The following PYROXD1 variants were observed in gnomAD, a reference collection of about 807,000 sequenced individuals.
PYROXD1 encodes the protein pyridine nucleotide-disulphide oxidoreductase domain 1, also known as tRNA ligase complex-associated NAD(P)H dehydrogenase PYROXD1.
PYROXD1 carries 42 observed loss-of-function variants against 62.0 expected under a neutral mutation model. The ratio of observed to expected loss-of-function variants is 0.68; its 90% CI spans 0.53 to 0.88. PYROXD1 has a LOEUF of 0.88. Ranked by LOEUF, PYROXD1 falls within the 40% of genes least tolerant of loss-of-function variation. PYROXD1 has a pLI of 0.00. For missense variants in PYROXD1, 493 were observed against 604.8 expected (o/e 0.82, Z 1.94); for synonymous variants, 170 against 206.4 (o/e 0.82, Z 1.51).
Position 21,467,578 on chromosome 12 carries a change from T to G in PYROXD1, c.1214T>G (p.Phe405Cys). 1.9e-6 allele frequency: 3 copies of G among 1,612,316 alleles called. No homozygotes were observed. The highest frequency in any genetic ancestry group is 2.5e-6 in the Non-Finnish European group (3 of 1,179,056). ...SGDSIDMDFSFELFAHVTKFF... is the reference protein window; with the variant it reads ...SGDSIDMDFSCELFAHVTKFF... Reference sequence around the variant, plus strand: ...GACTCTATTGACATGGATTTCAGCTTTGAACTGTTTGCTCATGTGACAAAA... The same window carrying G: ...GACTCTATTGACATGGATTTCAGCTGTGAACTGTTTGCTCATGTGACAAAA... The change falls in exon 11 of 12, where the codon TTT becomes TGT. Residue 405 changes from phenylalanine (F) to cysteine (C), a missense_variant. Phe to Cys is a radical substitution (Grantham distance 205, BLOSUM62 -2). Transcript: ENST00000240651.
chr12:21,465,517 GTTT>G (rs895936853), intron 10 of PYROXD1, among the ~76,000 whole-genome samples: 44 of 148,774 alleles, frequency 3.0e-4, no homozygotes, highest in Middle Eastern at 3.5e-3. Context: ...TGATGGGGTT[GTTT>G]TTTTTTTGTA....
intron 3 of PYROXD1, among the ~76,000 whole-genome samples, 163 bp downstream of exon 3, chr12:21,445,629 G>GT (rs1233770596): frequency 1.3e-5 from 2 of 152,076 alleles, no homozygotes; most frequent in African/African-American, 4.8e-5. Context: ...TACAGTTTTT[G>GT]TAAGTTTATT....
chr12:21,445,759 C>T (rs749757457), intron 3 of PYROXD1, among the ~76,000 whole-genome samples: 4 of 152,078 alleles, frequency 2.6e-5, no homozygotes, highest in East Asian at 1.9e-4. Flanking sequence ...AGGGTTAATA[C>T]GAGGTGTTGG....
Position 21,467,155 on chromosome 12 carries a change from A to G in PYROXD1, c.1117-326A>G, listed in dbSNP as rs563481984. ...TAATTTGACATCTCTGTTAATGGTGATGACAAATTTTTGAAGAAGGGACTG... is the reference window on the plus strand; with the variant it reads ...TAATTTGACATCTCTGTTAATGGTGGTGACAAATTTTTGAAGAAGGGACTG... On this transcript the variant is annotated intron_variant, in intron 10 of 11. Transcript: ENST00000240651. 515 of 184,954 alleles carry G rather than the reference A, an allele frequency of 2.8e-3. 5 individuals are homozygous for G. The highest frequency in any genetic ancestry group is 4.6e-3 in the Non-Finnish European group (411 of 89,782). The allele number at this position is 184,954 out of a possible 1,614,324, so 11.5% of individuals were successfully genotyped here. A position where few individuals can be genotyped will look rare whatever the true frequency, so the allele number is the denominator to read the frequency against.
intron 2 of PYROXD1, 97 bp from the exon 3 acceptor site, chr12:21,445,250 C>T: frequency 7.9e-7 from 1 of 1,267,384 alleles, no homozygotes. Flanking sequence ...TTTATAAACA[C>T]AAAATAGTGT....
At chr12:21,446,147 G>C (rs953144236) in intron 3 of PYROXD1, among the ~76,000 whole-genome samples, 1 of 152,166 alleles carries the variant, frequency 6.6e-6, no homozygotes, top group African/African-American at 2.4e-5. Context: ...AGTTTGGGCC[G>C]GTGCGTTGGC....
At chr12:21,455,460 T>TGTA (rs1249934411) in intron 6 of PYROXD1, among the ~76,000 whole-genome samples, 168 bp downstream of exon 6, 3 of 109,200 alleles carry the variant, frequency 2.7e-5, no homozygotes, top group Non-Finnish European at 4.0e-5. Flanking sequence ...TATGTATGTA[T>TGTA]TTTATATATA....
chr12:21,441,022 G>T (rs1187675897), intron 2 of PYROXD1, among the ~76,000 whole-genome samples: 1 of 152,080 alleles, frequency 6.6e-6, no homozygotes, highest in Non-Finnish European at 1.5e-5. Context: ...TGATTATGGT[G>T]AATTGATTGC....
chr12:21,446,426 A>G (rs1591940161), intron 3 of PYROXD1, among the ~76,000 whole-genome samples: 1 of 152,054 alleles, frequency 6.6e-6, no homozygotes, highest in South Asian at 2.1e-4. Context: ...CTCCTTCTCA[A>G]AAAAAAGAGA....
At position 21,470,093 on chromosome 12, in the gene PYROXD1, A is replaced by G; in HGVS notation, c.*1339A>G. The G allele has an allele frequency of 9.3e-7, 1 of 1,071,174 alleles. No individual in the cohort carries two copies. Among genetic ancestry groups the G allele is most frequent in the South Asian group, 1.7e-5 (1 of 60,352 alleles). 66.4% of individuals were successfully genotyped at this position (1,071,174 alleles called of 1,614,324 possible). The stretch of plus-strand genomic sequence containing the variant: ...TGAAAATATAGATCCATACATATAA[A>G]ATATCTATGAAATTCTTTTAAAAAC... On this transcript the variant is annotated 3_prime_UTR_variant, in exon 12 of 12. Transcript: ENST00000240651.
chr12:21,449,253 C>T (rs962789602), intron 3 of PYROXD1, among the ~76,000 whole-genome samples: 7 of 152,290 alleles, frequency 4.6e-5, no homozygotes, highest in Admixed American at 3.3e-4. Context: ...TTTCAACCAA[C>T]ATGGGATTCC....
chr12:21,451,628 A>G (rs1942500734), intron 4 of PYROXD1, among the ~76,000 whole-genome samples: 1 of 152,120 alleles, frequency 6.6e-6, no homozygotes, highest in African/African-American at 2.4e-5. Flanking sequence ...TCAGTTAGTA[A>G]TTGCTAGAGC....
At chr12:21,449,534 T>G in intron 3 of PYROXD1, 29 bp from the exon 4 acceptor site, 1 of 1,587,448 alleles carries the variant, frequency 6.3e-7, no homozygotes, top group Non-Finnish European at 8.6e-7. Context: ...TGTGTCTCCC[T>G]TTTCTTTCAT....
chr12:21,468,055 T>C (rs552466588), intron 11 of PYROXD1, among the ~76,000 whole-genome samples: 1 of 151,594 alleles, frequency 6.6e-6, no homozygotes, highest in Admixed American at 6.6e-5. Context: ...AGGAGAAACA[T>C]ATTCAAAAGC....
chr12:21,455,942 T>G, intron 6 of PYROXD1, 53 bp from the exon 7 acceptor site: 1 of 1,187,948 alleles, frequency 8.4e-7, no homozygotes, highest in South Asian at 1.3e-5. Flanking sequence ...TTCAGAACAC[T>G]AACATATTTC....
At position 21,470,773 on chromosome 12, in the gene PYROXD1, T is replaced by C. The variant is rs1277130252; in HGVS notation, c.*2019T>C. The stretch of plus-strand genomic sequence containing the variant: ...GAAACTGGAAACCCCTAGTTTATGT[T>C]AAAAGGCCAGTCTAAATTCTTTCAC... On this transcript the variant is annotated 3_prime_UTR_variant, in exon 12 of 12. Coordinates refer to ENST00000240651, the MANE Select transcript of PYROXD1 (RefSeq NM_024854.5). The C allele has an allele frequency of 2.5e-6, 1 of 395,706 alleles. No individual in the cohort carries two copies. Among genetic ancestry groups the C allele is most frequent in the Admixed American group, 4.4e-5 (1 of 22,860 alleles). 24.5% of individuals were successfully genotyped at this position (395,706 alleles called of 1,614,324 possible). A position where few individuals can be genotyped will look rare whatever the true frequency, so the allele number is the denominator to read the frequency against.
chr12:21,456,426 A>G (rs143343035), intron 7 of PYROXD1, among the ~76,000 whole-genome samples: 1 of 152,258 alleles, frequency 6.6e-6, no homozygotes, highest in African/African-American at 2.4e-5. Context: ...AGCCACACGA[A>G]TTTTTCAGTT....
In PYROXD1 at chr12:21,461,326, G is replaced by T. The variant is rs192531602; in HGVS notation, c.880+172G>T. 7.2e-4 allele frequency among the ~76,000 whole-genome samples: 110 copies of T among 151,942 alleles called. 3 individuals are homozygous for T. The highest frequency in any genetic ancestry group is 6.9e-3 in the Admixed American group (106 of 15,266). On this transcript the variant is annotated intron_variant, in intron 8 of 11. Transcript: ENST00000240651. ...ATTAACTCACTTCATTTCACTGTCT[G>T]TTGTTTTCTAGTAAATTAAATCGTA...
chr12:21,471,219 T>A lies in PYROXD1; in HGVS notation c.*2465T>A, dbSNP rs745866449. On this transcript the variant is annotated 3_prime_UTR_variant, in exon 12 of 12. Transcript: ENST00000240651. ...CACATTGACTTGAAATAATAAAATT[T>A]ACAAGAATGCAAATAAAGCCTTTAA... is the stretch of plus-strand genomic sequence containing the variant. 1.6e-5 allele frequency: 18 copies of A among 1,122,708 alleles called. No homozygotes were observed. Among genetic ancestry groups the A allele is most frequent in the Non-Finnish European group, 2.0e-5 (16 of 805,250 alleles). 69.5% of individuals were successfully genotyped at this position (1,122,708 alleles called of 1,614,324 possible).
Sources: gnomAD v4.1 joint callset for allele counts (sites outside exome capture counted in the v4.1 genomes callset) on GRCh38, gnomAD v4.1.1 for gene constraint, MANE v1.5 for transcripts, NCBI Gene and HGNC (gene_info 2026-07-23, HGNC 2026-07-21) for gene names.